The following DNAH5 variants were observed in gnomAD, a reference collection of about 807,000 sequenced individuals.
DNAH5 encodes the protein dynein axonemal heavy chain 5.
A neutral mutation model predicts 518.2 loss-of-function variants in DNAH5; 372 were observed. The observed-to-expected ratio is 0.72, with a 90% CI of 0.66 to 0.78. The LOEUF is 0.78. Ranked by LOEUF, DNAH5 falls within the 30% of genes least tolerant of loss-of-function variation. The probability of loss-of-function intolerance (pLI) is 0.00; values close to 1 mark genes in which losing one functional copy is unlikely to be tolerated. For missense variants in DNAH5, 5,523 were observed against 5,687.0 expected, an observed-to-expected ratio of 0.97 and a Z score of 0.93; for synonymous variants, 2,039 against 2,025.9, an observed-to-expected ratio of 1.01 and a Z score of -0.17.
At chr5:13,929,790 T>TA (rs1212189851) in intron 2 of DNAH5, among the ~76,000 whole-genome samples, 4 of 152,208 alleles carry the variant, frequency 2.6e-5, no homozygotes, top group Non-Finnish European at 5.9e-5. Flanking sequence ...GAGTTTAACC[T>TA]GGTATCCCTA....
In DNAH5 at chr5:13,928,181, G is replaced by T. The variant is rs777003278; in HGVS notation, c.193-3C>A. 3.7e-6 allele frequency: 6 copies of T among 1,609,296 alleles called. No homozygotes were observed. Among genetic ancestry groups the T allele is most frequent in the African/African-American group, 1.3e-5 (1 of 74,736 alleles). ...AAAAGTTGATCAATTCTTTCAATCT[G>T]GGAAAAAGAAAAAGGCAAGATAATG... On this transcript the variant is annotated splice_region_variant and splice_polypyrimidine_tract_variant and intron_variant, in intron 2 of 78. Coordinates refer to ENST00000265104, the MANE Select transcript of DNAH5 (RefSeq NM_001369.3).
chr5:13,847,797 TGTGGTGGTGG>T (rs1321164058), intron 31 of DNAH5, among the ~76,000 whole-genome samples: 1 of 151,476 alleles, frequency 6.6e-6, no homozygotes, highest in African/African-American at 2.4e-5. Context: ...TCTGTCTGTC[TGTGGTGGTGG>T]GTGGAAGATG....
intron 65 of DNAH5, among the ~76,000 whole-genome samples, chr5:13,742,208 C>T (rs992046386): frequency 2.4e-4 from 36 of 152,094 alleles, no homozygotes; most frequent in African/African-American, 8.7e-4. Flanking sequence ...AGGACAAATA[C>T]TTTTGTTTCA....
At chr5:13,975,008 G>C (rs1782140360) in intron 1 of DNAH5, among the ~76,000 whole-genome samples, 1 of 152,158 alleles carries the variant, frequency 6.6e-6, no homozygotes, top group Non-Finnish European at 1.5e-5. Flanking sequence ...CAGGGTGAGG[G>C]AGCAAATACC....
At chr5:13,794,444 C>A (rs944901867) in intron 47 of DNAH5, among the ~76,000 whole-genome samples, 2 of 152,190 alleles carry the variant, frequency 1.3e-5, no homozygotes, top group African/African-American at 4.8e-5. Context: ...GTGTGAGAAG[C>A]TTCTGAGGTC....
rs979841998 is a variant in DNAH5 at position 13,882,936 on chromosome 5, C to A, written c.3142G>T (p.Val1048Phe). ...AACAGTTCACTGCTCCACTGTCTGACCCCCTTAGGGACACTGATGATGCAC... is the reference window on the plus strand; with the variant it reads ...AACAGTTCACTGCTCCACTGTCTGAACCCCTTAGGGACACTGATGATGCAC... Reference protein sequence around the residue: ...VECIISVPKGVRQWSSELLSK... With the variant: ...VECIISVPKGFRQWSSELLSK... The change falls in exon 20 of 79, where the codon GTC becomes TTC. Residue 1048 changes from valine to phenylalanine, a missense_variant. By Grantham distance (50) the Val-to-Phe change is conservative. Coordinates refer to ENST00000265104, the MANE Select transcript of DNAH5 (RefSeq NM_001369.3). The A allele has an allele frequency of 6.2e-7, 1 of 1,614,048 alleles. No individual in the cohort carries two copies. The highest frequency in any genetic ancestry group is 8.5e-7 in the Non-Finnish European group (1 of 1,180,030).
intron 27 of DNAH5, among the ~76,000 whole-genome samples, chr5:13,865,068 C>T (rs1183532351): frequency 1.3e-5 from 2 of 148,860 alleles, no homozygotes; most frequent in African/African-American, 5.0e-5. Flanking sequence ...AATCTCCGCC[C>T]ACTGCAACCT....
At chr5:13,859,083 T>G (rs115492161) in intron 30 of DNAH5, among the ~76,000 whole-genome samples, 6,278 of 122,322 alleles carry the variant, frequency 0.051, 193 homozygotes, top group Middle Eastern at 0.088. Flanking sequence ...CTTTAAAATG[T>G]CTGTAGTAGA....
rs1344564038 is a variant in DNAH5, at chr5:13,837,985, C to T, written c.5882+1371G>A. ...AAAGCGCTGGGATTACAAGCGTGAGCGAGCCACCATGCCCAGTCCATTTTT... is the reference window on the plus strand; with the variant it reads ...AAAGCGCTGGGATTACAAGCGTGAGTGAGCCACCATGCCCAGTCCATTTTT... On this transcript the variant is annotated intron_variant, in intron 35 of 78. Coordinates refer to ENST00000265104, the MANE Select transcript of DNAH5 (RefSeq NM_001369.3). Among the ~76,000 whole-genome samples, 6 of 152,126 alleles carry T rather than the reference C, an allele frequency of 3.9e-5. No individual in the cohort carries two copies. In the South Asian group the frequency reaches 6.2e-4, roughly 16 times the overall value.
chr5:13,737,862 G>A (rs968517196), intron 65 of DNAH5, among the ~76,000 whole-genome samples: 1 of 152,084 alleles, frequency 6.6e-6, no homozygotes, highest in Non-Finnish European at 1.5e-5. Context: ...AGGAGTTTGA[G>A]ACCAGCCTGG....
intron 17 of DNAH5, among the ~76,000 whole-genome samples, chr5:13,886,551 C>T (rs1365058143): frequency 6.6e-6 from 1 of 152,162 alleles, no homozygotes; most frequent in Admixed American, 6.5e-5. Flanking sequence ...TTGTGCATTT[C>T]TCAAGAATGG....
At chr5:13,741,751 A>G (rs1373915129) in intron 65 of DNAH5, among the ~76,000 whole-genome samples, 1 of 152,170 alleles carries the variant, frequency 6.6e-6, no homozygotes, top group African/African-American at 2.4e-5. Flanking sequence ...AAGACAGGTA[A>G]GGGAAGAAAA....
intron 33 of DNAH5, among the ~76,000 whole-genome samples, chr5:13,841,370 T>C (rs987510010): frequency 6.6e-6 from 1 of 152,234 alleles, no homozygotes; most frequent in Non-Finnish European, 1.5e-5. Context: ...TTTCTTTTTT[T>C]AGTAAAGTGT....
At chr5:13,944,236 C>A (rs947274934) in intron 1 of DNAH5, 146 bp downstream of exon 1, 1 of 804,412 alleles carries the variant, frequency 1.2e-6, no homozygotes, top group South Asian at 1.4e-5. Context: ...AGCCTATGCA[C>A]CAGGTGAACA....
intron 21 of DNAH5, 101 bp downstream of exon 21, chr5:13,882,627 T>A: frequency 1.1e-6 from 1 of 924,590 alleles, no homozygotes; most frequent in Non-Finnish European, 1.7e-6. Flanking sequence ...AATATTCTGA[T>A]GTAAAATAAA....
At chr5:13,858,569 A>T (rs201634294) in intron 30 of DNAH5, among the ~76,000 whole-genome samples, 30 of 454 alleles carry the variant, frequency 0.066, no homozygotes, top group Admixed American at 0.16. Context: ...AATATAATTT[A>T]AAAAAAAAAT....
At chr5:13,955,467 CAG>C (rs1780701594) in intron 1 of DNAH5, among the ~76,000 whole-genome samples, 1 of 152,052 alleles carries the variant, frequency 6.6e-6, no homozygotes, top group African/African-American at 2.4e-5. Context: ...TGGAAGAAAA[CAG>C]GGTGTGTCCA....
rs745800766 is a variant in DNAH5 at position 13,871,627 on chromosome 5, G to C, written c.3535C>G (p.Leu1179Val). ...GGCTCAGCATTAATTTCCTGCTCTA[G>C]GTTTTGGAAATAGAGAATCTGGGAC... is the stretch of plus-strand genomic sequence containing the variant. The part of the protein sequence containing the change: ...FESQILYFQN[L>V]EQEINAEPEY... Residue 1179 changes from leucine (L) to valine (V), a missense_variant, in exon 23 of 79, where the codon CTA (leucine) becomes GTA (valine). Leu to Val is a conservative substitution (Grantham distance 32). Transcript: ENST00000265104. The C allele has an allele frequency of 6.8e-6, 11 of 1,613,594 alleles. No homozygotes were observed. The South Asian group carries it at 8.8e-5, about 13-fold the overall frequency.
intron 47 of DNAH5, among the ~76,000 whole-genome samples, chr5:13,806,255 G>A (rs776311328): frequency 5.9e-5 from 9 of 152,106 alleles, no homozygotes; most frequent in African/African-American, 1.7e-4. Context: ...AAATGCCACT[G>A]CTAAGTCACT....
Sources: gnomAD v4.1 joint callset for allele counts (sites outside exome capture counted in the v4.1 genomes callset) on GRCh38, gnomAD v4.1.1 for gene constraint, MANE v1.5 for transcripts, NCBI Gene and HGNC (gene_info 2026-07-23, HGNC 2026-07-21) for gene names.